The following GRIN2A variants were observed in gnomAD, a reference collection of about 807,000 sequenced individuals.
GRIN2A encodes glutamate receptor ionotropic, NMDA 2A.
Under a neutral mutation model 113.4 loss-of-function variants are expected in GRIN2A, and 22 were observed. The ratio of observed to expected loss-of-function variants is 0.19; its 90% CI spans 0.14 to 0.28. The LOEUF is 0.28. Among genes scored for constraint, GRIN2A ranks in the 10% least tolerant of loss-of-function variants. The pLI is 1.00. For synonymous variants in GRIN2A, 827 were observed against 738.4 expected (o/e 1.12, Z -1.94); for missense variants, 1,502 against 1,887.0 (o/e 0.80, Z 3.78).
At position 10,044,790 on chromosome 16, in the gene GRIN2A, C is replaced by G. The variant is rs189863224; in HGVS notation, c.415-106239G>C. 3.9e-5 allele frequency among the ~76,000 whole-genome samples: 6 copies of G among 151,964 alleles called. No homozygotes were observed. In the East Asian group the frequency reaches 1.2e-3, roughly 29 times the overall value. On this transcript the variant is annotated intron_variant, in intron 2 of 12. Coordinates refer to ENST00000330684, the MANE Select transcript of GRIN2A (RefSeq NM_001134407.3). The stretch of plus-strand genomic sequence containing the variant: ...CCAATCATGTGTTCGAATCTGATTC[C>G]TCTTTTAGACTGTAAGTTACCAAGG...
At chr16:10,045,692 T>A (rs1290362774) in intron 2 of GRIN2A, among the ~76,000 whole-genome samples, 1 of 152,234 alleles carries the variant, frequency 6.6e-6, no homozygotes, top group Non-Finnish European at 1.5e-5. Context: ...GCTGTATTTG[T>A]CTCCTATGAC....
intron 2 of GRIN2A, among the ~76,000 whole-genome samples, chr16:10,000,760 C>A (rs924141789): frequency 2.0e-5 from 3 of 152,176 alleles, no homozygotes; most frequent in African/African-American, 7.2e-5. Flanking sequence ...CCTTTTTCTT[C>A]TCTTCCGCTG....
chr16:10,112,445 C>G, intron 2 of GRIN2A: 1 of 772,200 alleles, frequency 1.3e-6, no homozygotes, highest in South Asian at 1.4e-5. Context: ...ACGCTCAGCA[C>G]TTTGGTGTGT....
At chr16:9,812,995 G>A (rs191316275) in intron 10 of GRIN2A, among the ~76,000 whole-genome samples, 46 of 152,354 alleles carry the variant, frequency 3.0e-4, no homozygotes, top group African/African-American at 8.7e-4. Flanking sequence ...AGATCAAAGC[G>A]TGCCTCAAAC....
chr16:10,135,563 G>T (rs944923620), intron 2 of GRIN2A, among the ~76,000 whole-genome samples: 1 of 152,086 alleles, frequency 6.6e-6, no homozygotes, highest in South Asian at 2.1e-4. Context: ...CCTATTCTTG[G>T]CACCAAAATC....
At chr16:10,073,418 G>A (rs1057258753) in intron 2 of GRIN2A, among the ~76,000 whole-genome samples, 3 of 152,118 alleles carry the variant, frequency 2.0e-5, no homozygotes, top group Non-Finnish European at 4.4e-5. Context: ...GTCTGGGGAA[G>A]GGATTCTGAA....
chr16:9,905,654 T>C (rs955554552), intron 3 of GRIN2A, among the ~76,000 whole-genome samples: 4 of 152,224 alleles, frequency 2.6e-5, no homozygotes, highest in Non-Finnish European at 5.9e-5. Context: ...GGCAGAGCGA[T>C]GTGCCTATGG....
chr16:9,849,399 G>T (rs1346161190), intron 5 of GRIN2A, among the ~76,000 whole-genome samples: 1 of 151,696 alleles, frequency 6.6e-6, no homozygotes, highest in Non-Finnish European at 1.5e-5. Flanking sequence ...TCAACCTAAG[G>T]GTTAAAAACA....
Position 9,962,643 on chromosome 16 carries a change from G to C in GRIN2A, c.415-24092C>G, listed in dbSNP as rs567048401. On this transcript the variant is annotated intron_variant, in intron 2 of 12. Transcript: ENST00000330684. ...TGCTGGAGAGGATGTGGAGAAATAGGAACATTTTTACACTGTTGGTGGGAC... is the reference window on the plus strand; with the variant it reads ...TGCTGGAGAGGATGTGGAGAAATAGCAACATTTTTACACTGTTGGTGGGAC... 2.0e-5 allele frequency among the ~76,000 whole-genome samples: 3 copies of C among 152,266 alleles called. No homozygotes were observed. The South Asian group carries it at 6.2e-4, about 32-fold the overall frequency.
intron 12 of GRIN2A, among the ~76,000 whole-genome samples, chr16:9,767,567 CAAAAAAACAAACAAAAACAAAA>C (rs1900995923): frequency 7.0e-6 from 1 of 142,300 alleles, no homozygotes; most frequent in Non-Finnish European, 1.5e-5. Context: ...TCTTCCAAGG[CAAAAAAACAAACAAAAACAAAA>C]AAAAACACAA....
chr16:9,787,516 CCAACCACCTTGGG>C (rs1358588797), intron 11 of GRIN2A, among the ~76,000 whole-genome samples: 1 of 152,138 alleles, frequency 6.6e-6, no homozygotes, highest in East Asian at 1.9e-4. Context: ...AGGCTGTAGC[CCAACCACCTTGGG>C]CACATGTTCT....
intron 4 of GRIN2A, among the ~76,000 whole-genome samples, chr16:9,852,043 A>G (rs984834699): frequency 1.3e-5 from 2 of 152,210 alleles, no homozygotes; most frequent in Non-Finnish European, 2.9e-5. Flanking sequence ...AACCTCAATG[A>G]CATAACTTTT....
chr16:9,758,045 A>G lies in GRIN2A; in HGVS notation c.*5104T>C, dbSNP rs576850290. ...TCTTGGATCTAATCCTCGCTCTGAT[A>G]CTCTCTAACTTGATGATCTTAAACA... On this transcript the variant is annotated 3_prime_UTR_variant, in exon 13 of 13. Transcript: ENST00000330684. 3 of 213,048 alleles carry G rather than the reference A, an allele frequency of 1.4e-5. No individual in the cohort carries two copies. The highest frequency in any genetic ancestry group is 3.7e-4 in the South Asian group (2 of 5,360). The allele number at this position is 213,048 out of a possible 1,614,324, so 13.2% of individuals were successfully genotyped here.
intron 3 of GRIN2A, among the ~76,000 whole-genome samples, chr16:9,904,514 G>T (rs1000380282): frequency 6.6e-6 from 1 of 152,092 alleles, no homozygotes; most frequent in Non-Finnish European, 1.5e-5. Flanking sequence ...TGGGATTACA[G>T]GTGTGCACCA....
At chr16:10,121,029 C>G (rs1367035610) in intron 2 of GRIN2A, among the ~76,000 whole-genome samples, 1 of 152,174 alleles carries the variant, frequency 6.6e-6, no homozygotes, top group Non-Finnish European at 1.5e-5. Flanking sequence ...CTCATCCTTT[C>G]AAACCCAGCC....
intron 9 of GRIN2A, among the ~76,000 whole-genome samples, chr16:9,823,109 G>GC (rs778886309): frequency 6.6e-6 from 1 of 152,138 alleles, no homozygotes; most frequent in Non-Finnish European, 1.5e-5. Context: ...CGGCACTCAA[G>GC]CCCCCCATAA....
At chr16:10,129,936 G>A (rs35602117) in intron 2 of GRIN2A, among the ~76,000 whole-genome samples, 5 of 152,146 alleles carry the variant, frequency 3.3e-5, no homozygotes, top group African/African-American at 1.2e-4. Flanking sequence ...GTAGAAGCAT[G>A]TTTCATGGAT....
Position 9,761,987 on chromosome 16 carries a change from G to C in GRIN2A, c.*1162C>G. 5.0e-6 allele frequency: 1 copy of C among 199,772 alleles called. No individual in the cohort carries two copies. The highest frequency in any genetic ancestry group is 1.0e-5 in the Non-Finnish European group (1 of 96,684). 12.4% of individuals were successfully genotyped at this position (199,772 alleles called of 1,614,324 possible). A position where few individuals can be genotyped will look rare whatever the true frequency, so the allele number is the denominator to read the frequency against. On this transcript the variant is annotated 3_prime_UTR_variant, in exon 13 of 13. Coordinates refer to ENST00000330684, the MANE Select transcript of GRIN2A (RefSeq NM_001134407.3). ...TGAAGGCTTTTGATTTGAGGAGTTT[G>C]GGGTGGAAGTGAGTGTCCAACAGAA...
At chr16:9,853,273 T>C (rs745896029) in intron 4 of GRIN2A, among the ~76,000 whole-genome samples, 2 of 152,128 alleles carry the variant, frequency 1.3e-5, no homozygotes, top group Non-Finnish European at 2.9e-5. Flanking sequence ...GACTGAATAT[T>C]TGCGTCCCTC....
Sources: gnomAD v4.1 joint callset for allele counts (sites outside exome capture counted in the v4.1 genomes callset) on GRCh38, gnomAD v4.1.1 for gene constraint, MANE v1.5 for transcripts, NCBI Gene and HGNC (gene_info 2026-07-23, HGNC 2026-07-21) for gene names.